KCTD17: variants seen among roughly 807,000 people sequenced by gnomAD.
KCTD17 encodes potassium channel tetramerization domain containing 17.
KCTD17 carries 20 observed loss-of-function variants against 41.5 expected under a neutral mutation model. The observed-to-expected ratio is 0.48, with a 90% CI of 0.34 to 0.70. The LOEUF is 0.70. Among genes scored for constraint, KCTD17 ranks in the 30% least tolerant of loss-of-function variants. The pLI, the probability that KCTD17 is intolerant of heterozygous loss-of-function variation, is 0.01. For missense variants in KCTD17, 317 were observed against 427.2 expected, an observed-to-expected ratio of 0.74 and a Z score of 2.27; for synonymous variants, 156 against 173.8, an observed-to-expected ratio of 0.90 and a Z score of 0.80.
In KCTD17 at chr22:37,059,359, C is replaced by T. The variant is rs1217951655; in HGVS notation, c.533C>T (p.Ala178Val). 6.2e-7 allele frequency: 1 copy of T among 1,613,274 alleles called. No homozygotes were observed. The highest frequency in any genetic ancestry group is 8.5e-7 in the Non-Finnish European group (1 of 1,179,850). Residue 178 changes from alanine (A) to valine (V), a missense_variant, in exon 5 of 9, where the codon GCA becomes GTA. Coordinates refer to ENST00000403888, the MANE Select transcript of KCTD17 (RefSeq NM_001282684.2). ...TACAACTACGGCAGCGAGGACCAGG[C>T]AGAGTTCCTGTGTGTGGTGTCCAAG... is the stretch of plus-strand genomic sequence containing the variant. ...SSYNYGSEDQ[A>V]EFLCVVSKEL...
intron 8 of KCTD17, chr22:37,062,107 T>TG: frequency 2.0e-6 from 2 of 983,062 alleles, no homozygotes; most frequent in Non-Finnish European, 2.4e-6. Context: ...TGTCCCTCTC[T>TG]GGGCCACAAT....
Position 37,061,705 on chromosome 22 carries a change from G to C in KCTD17, c.875+76G>C. 2.0e-6 allele frequency: 3 copies of C among 1,508,260 alleles called. No homozygotes were observed. Among genetic ancestry groups the C allele is most frequent in the South Asian group, 2.4e-5 (2 of 81,926 alleles). 93.4% of individuals were successfully genotyped at this position (1,508,260 alleles called of 1,614,324 possible). A position where few individuals can be genotyped will look rare whatever the true frequency, so the allele number is the denominator to read the frequency against. Reference sequence around the variant, plus strand: ...ATCTCTTGATCCTTGGACTTGAGCCGAGCTTTCGGCTGATTATCTCCACCC... The same window carrying C: ...ATCTCTTGATCCTTGGACTTGAGCCCAGCTTTCGGCTGATTATCTCCACCC... On this transcript the variant is annotated intron_variant, in intron 8 of 8. Coordinates refer to ENST00000403888, the MANE Select transcript of KCTD17 (RefSeq NM_001282684.2). This position sits in a 1 kb window ranked among gnomAD's most constrained non-coding sequence, Gnocchi z 6.6.
rs780776912 is a variant in KCTD17 at position 37,053,148 on chromosome 22, C to T, written c.238C>T (p.Pro80Ser). 6.2e-7 allele frequency: 1 copy of T among 1,604,788 alleles called. No individual in the cohort carries two copies. Among genetic ancestry groups the T allele is most frequent in the South Asian group, 1.1e-5 (1 of 88,642 alleles). The change falls in exon 2 of 9, where the codon CCC (proline) becomes TCC (serine). Residue 80 changes from proline (P) to serine (S), a missense_variant. Pro to Ser is a moderately conservative substitution (Grantham distance 74). Around this residue, in one of 4 missense-constraint regions of KCTD17, gnomAD observed 99 missense variants for 166.5 expected, o/e 0.59. Transcript: ENST00000403888. This position sits in a 1 kb window ranked among gnomAD's most constrained non-coding sequence, Gnocchi z 4.1. ...LIDRDPTYFG[P>S]ILNFLRHGKL... is the part of the protein sequence containing the mutation. ...TGACCGTGACCCCACCTACTTCGGG[C>T]CCATCCTGAACTTCCTCCGGCATGG...
chr22:37,052,470 T>C (rs1924605957), intron 1 of KCTD17: 12 of 454,530 alleles, frequency 2.6e-5, no homozygotes, highest in South Asian at 1.9e-4. Context: ...GCCGCGACCT[T>C]GAGTCGGACC....
intron 2 of KCTD17, 69 bp from the exon 3 acceptor site, chr22:37,056,251 G>A: frequency 1.4e-6 from 2 of 1,379,330 alleles, no homozygotes; most frequent in Non-Finnish European, 2.0e-6. Flanking sequence ...TTTCGGGGTG[G>A]AGGGAACAAG....
chr22:37,060,369 C>A (rs989063872), intron 5 of KCTD17, among the ~76,000 whole-genome samples: 2 of 152,120 alleles, frequency 1.3e-5, no homozygotes, highest in African/African-American at 2.4e-5. Flanking sequence ...CCTTCTGCCT[C>A]TTTGGGCCAA....
Position 37,061,293 on chromosome 22 carries a change from C to T in KCTD17, c.784+118C>T, listed in dbSNP as rs1925749756. The T allele has an allele frequency of 6.6e-7, 1 of 1,526,504 alleles. No individual in the cohort carries two copies. Among genetic ancestry groups the T allele is most frequent in the Admixed American group, 2.0e-5 (1 of 50,468 alleles). 94.6% of individuals were successfully genotyped at this position (1,526,504 alleles called of 1,614,324 possible). ...GCCTGCTCACGCCTCCATCCCGGGT[C>T]TGCCCTGGTCCCAGCCTCCCGTGCC... On this transcript the variant is annotated intron_variant, in intron 7 of 8. Transcript: ENST00000403888. The surrounding 1 kb of genome is among the most constrained non-coding windows in gnomAD (Gnocchi z 6.6).
chr22:37,052,209 T>G, intron 1 of KCTD17: 2 of 450,278 alleles, frequency 4.4e-6, no homozygotes, highest in Non-Finnish European at 7.9e-6. Flanking sequence ...GGGCCTCTCC[T>G]TCTCCTTTGG....
At position 37,061,243 on chromosome 22, in the gene KCTD17, C is replaced by T; in HGVS notation, c.784+68C>T. The T allele has an allele frequency of 6.5e-7, 1 of 1,546,788 alleles. No homozygotes were observed. Among genetic ancestry groups the T allele is most frequent in the Non-Finnish European group, 8.7e-7 (1 of 1,146,864 alleles). The stretch of plus-strand genomic sequence containing the variant: ...CATCTGCACCCTGCCTCTTCCCTCT[C>T]TGCCCCTGTCCGGGTTTTCTCTCTG... On this transcript the variant is annotated intron_variant, in intron 7 of 8. Transcript: ENST00000403888. This position sits in a 1 kb window ranked among gnomAD's most constrained non-coding sequence, Gnocchi z 6.6.
At chr22:37,052,420 T>A in intron 1 of KCTD17, 1 of 423,332 alleles carries the variant, frequency 2.4e-6, no homozygotes, top group Non-Finnish European at 4.8e-6. Flanking sequence ...CAGCGGGCAC[T>A]ATTTCTGAGC....
chr22:37,060,723 A>T, intron 5 of KCTD17, 100 bp from the exon 6 acceptor site: 1 of 1,411,386 alleles, frequency 7.1e-7, no homozygotes, highest in Non-Finnish European at 9.3e-7. Flanking sequence ...GGTCCCTTTC[A>T]CCTTGCCTGA....
At chr22:37,059,003 C>G (rs910973431) in intron 4 of KCTD17, among the ~76,000 whole-genome samples, 14 of 152,228 alleles carry the variant, frequency 9.2e-5, no homozygotes, top group African/African-American at 3.4e-4. Context: ...AAAGGGCCCC[C>G]TGGCTCTGGG....
Position 37,053,005 on chromosome 22 carries a change from C to A in KCTD17, c.190-95C>A. 2 of 1,008,588 alleles carry A rather than the reference C, an allele frequency of 2.0e-6. No individual in the cohort carries two copies. The highest frequency in any genetic ancestry group is 1.6e-5 in the African/African-American group (1 of 62,632). The allele number at this position is 1,008,588 out of a possible 1,614,324, so 62.5% of individuals were successfully genotyped here. A position where few individuals can be genotyped will look rare whatever the true frequency, so the allele number is the denominator to read the frequency against. On this transcript the variant is annotated intron_variant, in intron 1 of 8. Transcript: ENST00000403888. This position sits in a 1 kb window ranked among gnomAD's most constrained non-coding sequence, Gnocchi z 4.1. The stretch of plus-strand genomic sequence containing the variant: ...TGTGCCTGCTCCATCCAGGGAAGAG[C>A]TCTCCCTCCACTCTCCTTCCCTCCC...
chr22:37,052,633 G>C (rs1229478187), intron 1 of KCTD17: 1 of 470,902 alleles, frequency 2.1e-6, no homozygotes, highest in African/African-American at 2.0e-5. Context: ...CGATCTCTCT[G>C]TAGAGTCGCA....
At chr22:37,062,439 C>T (rs1289159421) in intron 8 of KCTD17, 86 bp from the exon 9 acceptor site, 18 of 1,488,980 alleles carry the variant, frequency 1.2e-5, no homozygotes, top group African/African-American at 7.0e-5. Flanking sequence ...ATCTCCTCTC[C>T]GCCCCCTTGC....
chr22:37,052,255 C>T, intron 1 of KCTD17: 2 of 414,012 alleles, frequency 4.8e-6, no homozygotes, highest in South Asian at 4.8e-5. Context: ...ACCTTTCCTC[C>T]CTCCCAAAGG....
rs757067692 is a variant in KCTD17 at position 37,059,405 on chromosome 22, C to T, written c.579C>T (p.Asn193=). 6.0e-5 allele frequency: 96 copies of T among 1,611,764 alleles called. No individual in the cohort carries two copies. The highest frequency in any genetic ancestry group is 7.7e-5 in the Non-Finnish European group (91 of 1,179,780). ...VVSKELHSTP[N]GLSSESSRKT... Reference sequence around the variant, plus strand: ...CCAAGGAGCTCCACAGCACCCCAAACGGGCTGAGCTCAGAGTCCAGCCGCA... The same window carrying T: ...CCAAGGAGCTCCACAGCACCCCAAATGGGCTGAGCTCAGAGTCCAGCCGCA... The change falls in exon 5 of 9, where the codon AAC becomes AAT. Residue 193 remains asparagine, a synonymous_variant. Coordinates refer to ENST00000403888, the MANE Select transcript of KCTD17 (RefSeq NM_001282684.2).
chr22:37,061,065 A>G lies in KCTD17; in HGVS notation c.713-39A>G, dbSNP rs550779251. The G allele has an allele frequency of 1.4e-4, 211 of 1,551,156 alleles. 1 individual carries two copies. In the African/African-American group the frequency reaches 2.7e-3, roughly 20 times the overall value. ...AGCTCAGCCACTTGCCTGGCGCCTC[A>G]CCCGCATAACCATCCCTTCTCTCAC... On this transcript the variant is annotated intron_variant, in intron 6 of 8. Transcript: ENST00000403888. The surrounding 1 kb of genome is among the most constrained non-coding windows in gnomAD (Gnocchi z 6.6).
chr22:37,054,111 C>T (rs561677304), intron 2 of KCTD17, among the ~76,000 whole-genome samples: 1 of 152,286 alleles, frequency 6.6e-6, no homozygotes, highest in African/African-American at 2.4e-5. Flanking sequence ...CTATGGGACA[C>T]AGTGGTCTGG....
Sources: allele counts gnomAD v4.1 joint callset (sites outside exome capture counted in the v4.1 genomes callset), GRCh38; gene constraint gnomAD v4.1.1; regional missense constraint gnomAD v4.1.1; non-coding constraint Gnocchi (gnomAD v3.1); transcripts MANE v1.5; gene names NCBI Gene and HGNC (gene_info 2026-07-23, HGNC 2026-07-21).